The following DGKK variants were observed in gnomAD, a reference collection of about 807,000 sequenced individuals.
DGKK encodes the protein diacylglycerol kinase kappa, also known as 142 kDa diacylglycerol kinase.
In DGKK, 35 loss-of-function variants were observed where a neutral mutation model predicts 92.2. The observed-to-expected ratio is 0.38, with a 90% CI of 0.29 to 0.50. The LOEUF is 0.50. Ranked by LOEUF, DGKK falls within the 20% of genes least tolerant of loss-of-function variation. DGKK has a pLI of 0.92. For synonymous variants in DGKK, 368 were observed against 360.6 expected (o/e 1.02, Z -0.23); for missense variants, 910 against 992.2 (o/e 0.92, Z 1.11).
chrX:50,453,667 C>T (rs1557232631), intron 1 of DGKK, among the ~76,000 whole-genome samples: 1 of 111,499 alleles, frequency 9.0e-6, no homozygotes, highest in African/African-American at 3.3e-5. Context: ...GATGTTCCTT[C>T]ATGTAGCAAC....
rs782049443 is a variant in DGKK at position 50,382,632 on chromosome X, A to T, written c.2550-29T>A. The T allele has an allele frequency of 5.4e-6, 6 of 1,114,286 alleles. No individual in the cohort carries two copies. In the South Asian group the frequency reaches 1.2e-4, roughly 22 times the overall value. 91.8% of individuals were successfully genotyped at this position (1,114,286 alleles called of 1,213,427 possible). On this transcript the variant is annotated intron_variant, in intron 17 of 27. Transcript: ENST00000611977. ...AAATTATTCAAAGAAGAGGACAGAC[A>T]TTGGTGCAGGAAAGAAGTGCCGCTA...
intron 1 of DGKK, among the ~76,000 whole-genome samples, chrX:50,458,846 C>T (rs782782265): frequency 9.0e-6 from 1 of 111,731 alleles, no homozygotes; most frequent in African/African-American, 3.2e-5. Context: ...TTCCCTGGCC[C>T]TGGCCTCACC....
At chrX:50,391,341 T>G in intron 11 of DGKK, 96 bp downstream of exon 11, 1 of 1,078,710 alleles carries the variant, frequency 9.3e-7, no homozygotes, top group Non-Finnish European at 1.2e-6. Context: ...GAAATGAGGC[T>G]CTATCAATCA....
At position 50,466,010 on chromosome X, in the gene DGKK, C is replaced by CTTTTTTTTTTTTTTTTTTTTTTTT. The variant is rs1194066821; in HGVS notation, c.645+4023_645+4024insAAAAAAAAAAAAAAAAAAAAAAAA. Reference sequence around the variant, plus strand: ...TTTCTATGGATATTTTTTTCTTTTTCTTTTTTCTTTTTTTTTTTTTTTTTT... The same window carrying CTTTTTTTTTTTTTTTTTTTTTTTT: ...TTTCTATGGATATTTTTTTCTTTTTCTTTTTTTTTTTTTTTTTTTTTTTTTTTTTTCTTTTTTTTTTTTTTTTTT... On this transcript the variant is annotated intron_variant, in intron 1 of 27. Transcript: ENST00000611977. Among the ~76,000 whole-genome samples, 2 of 58,337 alleles carry CTTTTTTTTTTTTTTTTTTTTTTTT rather than the reference C, an allele frequency of 3.4e-5. 1 individual carries two copies. The highest frequency in any genetic ancestry group is 6.0e-5 in the Non-Finnish European group (2 of 33,237). The allele number at this position is 58,337 out of a possible 115,157, so 50.7% of individuals were successfully genotyped here. A position where few individuals can be genotyped will look rare whatever the true frequency, so the allele number is the denominator to read the frequency against.
chrX:50,469,195 C>T (rs1926987539), intron 1 of DGKK, among the ~76,000 whole-genome samples: 1 of 111,613 alleles, frequency 9.0e-6, no homozygotes, highest in East Asian at 2.8e-4. Flanking sequence ...GAAGGTTCCC[C>T]TTCACACGTT....
chrX:50,409,729 G>A (rs782218727), intron 4 of DGKK, among the ~76,000 whole-genome samples: 2 of 111,939 alleles, frequency 1.8e-5, no homozygotes, highest in Middle Eastern at 4.6e-3. Context: ...GCAATGGACT[G>A]AATGCTTGTG....
At chrX:50,381,641 C>T (rs909289928) in intron 18 of DGKK, among the ~76,000 whole-genome samples, 13 of 111,433 alleles carry the variant, frequency 1.2e-4, no homozygotes, top group African/African-American at 3.9e-4. Flanking sequence ...TAAAACAATA[C>T]AAACTTTAGA....
At chrX:50,433,413 T>C (rs1389703961) in intron 1 of DGKK, among the ~76,000 whole-genome samples, 2 of 111,541 alleles carry the variant, frequency 1.8e-5, no homozygotes, top group Non-Finnish European at 3.8e-5. Context: ...CCAACCTCCG[T>C]AAGGTGAGTG....
At chrX:50,401,533 C>T (rs1341921798) in intron 7 of DGKK, among the ~76,000 whole-genome samples, 1 of 111,181 alleles carries the variant, frequency 9.0e-6, no homozygotes, top group East Asian at 2.8e-4. Flanking sequence ...GTAGAAAAAA[C>T]ACTATTGAAT....
intron 13 of DGKK, 147 bp from the exon 14 acceptor site, chrX:50,387,800 C>T (rs1467499257): frequency 5.4e-5 from 24 of 442,350 alleles, no homozygotes; most frequent in Middle Eastern, 3.7e-4. Flanking sequence ...GCCTTTTTCT[C>T]TCTGCTTTTT....
intron 1 of DGKK, among the ~76,000 whole-genome samples, chrX:50,447,377 ATATATAAT>A (rs1926367904): frequency 2.1e-4 from 3 of 14,157 alleles, no homozygotes; most frequent in African/African-American, 1.2e-3. Context: ...TATTATATAT[ATATATAAT>A]ATATATATAT....
At chrX:50,394,615 T>A (rs1369533961) in intron 8 of DGKK, among the ~76,000 whole-genome samples, 1 of 112,275 alleles carries the variant, frequency 8.9e-6, no homozygotes, top group Non-Finnish European at 1.9e-5. Flanking sequence ...GACACATTAA[T>A]CCCTTCATTC....
chrX:50,465,359 T>G (rs2147154632), intron 1 of DGKK, among the ~76,000 whole-genome samples: 1 of 110,568 alleles, frequency 9.0e-6, no homozygotes, highest in South Asian at 3.9e-4. Context: ...ATAAATTTGT[T>G]TTTATTATTT....
intron 25 of DGKK, 150 bp from the exon 26 acceptor site, chrX:50,371,984 C>G (rs1924144473): frequency 4.8e-6 from 2 of 415,644 alleles, no homozygotes; most frequent in Admixed American, 4.4e-5. Context: ...TGTTTTCTTT[C>G]TCAAAAGGAA....
At chrX:50,421,638 T>A (rs1196798220) in intron 3 of DGKK, among the ~76,000 whole-genome samples, 1 of 111,930 alleles carries the variant, frequency 8.9e-6, no homozygotes, top group Admixed American at 9.5e-5. Context: ...AGCCCTCAGT[T>A]TTACCCTGTG....
chrX:50,370,403 C>G (rs1427439962), intron 27 of DGKK, 23 bp downstream of exon 27: 1 of 1,181,011 alleles, frequency 8.5e-7, no homozygotes, highest in Non-Finnish European at 1.1e-6. Flanking sequence ...TTCATGACCC[C>G]TCTGCCTGTG....
chrX:50,383,970 C>A (rs1257316556), intron 17 of DGKK, among the ~76,000 whole-genome samples, 198 bp downstream of exon 17: 1 of 112,107 alleles, frequency 8.9e-6, no homozygotes, highest in Non-Finnish European at 1.9e-5. Context: ...GTAATAAATA[C>A]AGCAAACCCA....
intron 3 of DGKK, among the ~76,000 whole-genome samples, chrX:50,421,594 C>T (rs1164356258): frequency 1.8e-5 from 2 of 111,732 alleles, no homozygotes; most frequent in African/African-American, 6.5e-5. Context: ...AGGCTCATCA[C>T]CCAAAGACTC....
At chrX:50,406,540 G>A (rs1230818041) in intron 4 of DGKK, among the ~76,000 whole-genome samples, 1 of 111,658 alleles carries the variant, frequency 9.0e-6, no homozygotes, top group Non-Finnish European at 1.9e-5. Context: ...GACACAGACA[G>A]GCACACACAA....
Sources: gnomAD v4.1 joint callset for allele counts (sites outside exome capture counted in the v4.1 genomes callset) on GRCh38, gnomAD v4.1.1 for gene constraint, MANE v1.5 for transcripts, NCBI Gene and HGNC (gene_info 2026-07-23, HGNC 2026-07-21) for gene names.